The following OTUD7B variants were observed in gnomAD, a reference collection of about 807,000 sequenced individuals.
OTUD7B encodes the protein OTU deubiquitinase 7B, also known as OTU domain-containing protein 7B.
A neutral mutation model predicts 82.2 loss-of-function variants in OTUD7B; 34 were observed. That is an observed-to-expected ratio of 0.41 (90% CI 0.31 to 0.55). The LOEUF is 0.55. Ranked by LOEUF, OTUD7B falls within the 20% of genes least tolerant of loss-of-function variation. The probability of loss-of-function intolerance (pLI) is 0.20; values close to 1 mark genes in which losing one functional copy is unlikely to be tolerated. For synonymous variants in OTUD7B, 398 were observed against 402.7 expected, an observed-to-expected ratio of 0.99 and a Z score of 0.14; for missense variants, 944 against 1,062.1, an observed-to-expected ratio of 0.89 and a Z score of 1.55.
chr1:149,952,088 T>C (rs1553773610), intron 7 of OTUD7B, among the ~76,000 whole-genome samples: 2 of 152,064 alleles, frequency 1.3e-5, no homozygotes, highest in African/African-American at 4.8e-5. Context: ...CTAGGGTACA[T>C]GTGCACAATG....
intron 7 of OTUD7B, among the ~76,000 whole-genome samples, chr1:149,950,967 T>G (rs2101748492): frequency 1.3e-5 from 1 of 77,408 alleles, no homozygotes; most frequent in Non-Finnish European, 2.5e-5. Context: ...TAATTTTTTG[T>G]ACTTTTTGTA....
Position 149,939,979 on chromosome 1 carries a change from A to G in OTUD7B, c.*3878T>C, listed in dbSNP as rs2092750638. ...AAAAGGAAAAAGAAAGAAGACTCAG[A>G]GTCCAGAGGTGTCTGAGTAATTCAG... On this transcript the variant is annotated 3_prime_UTR_variant, in exon 12 of 12. Coordinates refer to ENST00000581312, the MANE Select transcript of OTUD7B (RefSeq NM_020205.4). 1 of 152,152 alleles carries G rather than the reference A, an allele frequency of 6.6e-6. No individual in the cohort carries two copies. The allele number at this position is 152,152 out of a possible 1,614,324, so 9.4% of individuals were successfully genotyped here. A position where few individuals can be genotyped will look rare whatever the true frequency, so the allele number is the denominator to read the frequency against.
chr1:150,018,104 A>C, the OTUD7B span, among the ~76,000 whole-genome samples: 1 of 152,220 alleles, frequency 6.6e-6, no homozygotes, highest in Non-Finnish European at 1.5e-5. Flanking sequence ...AGAATTGAAA[A>C]GTGTCACCAT....
At chr1:150,038,131 T>C in the OTUD7B span, among the ~76,000 whole-genome samples, 1 of 152,082 alleles carries the variant, frequency 6.6e-6, no homozygotes, top group Non-Finnish European at 1.5e-5. Flanking sequence ...AGTGCTAGGA[T>C]TACAGGCGTG....
At chr1:150,013,999 C>T (rs1310522571), upstream of OTUD7B, among the ~76,000 whole-genome samples, 1 of 128,122 alleles carries the variant, frequency 7.8e-6, no homozygotes, top group Non-Finnish European at 1.7e-5. Flanking sequence ...CATATATACA[C>T]ACATATATAT....
rs1310552496 is a variant in OTUD7B, at chr1:149,943,701, G to A, written c.*156C>T. 9.1e-6 allele frequency: 7 copies of A among 768,900 alleles called. No homozygotes were observed. Among genetic ancestry groups the A allele is most frequent in the East Asian group, 2.5e-5 (1 of 39,762 alleles). 47.6% of individuals were successfully genotyped at this position (768,900 alleles called of 1,614,324 possible). On this transcript the variant is annotated 3_prime_UTR_variant, in exon 12 of 12. Coordinates refer to ENST00000581312, the MANE Select transcript of OTUD7B (RefSeq NM_020205.4). Reference sequence around the variant, plus strand: ...AGCCCCGACCTGCTCTTGCCAGCCTGGCAGCACTCCTGTGTGCACACACTT... The same window carrying A: ...AGCCCCGACCTGCTCTTGCCAGCCTAGCAGCACTCCTGTGTGCACACACTT...
rs1335193602 is a variant in OTUD7B, at chr1:149,941,545, T to C, written c.*2312A>G. ...CACCTTGGGCACAAAATTTAAGGAG[T>C]GCCAAAAAACCCAGTAACCAAGATA... On this transcript the variant is annotated 3_prime_UTR_variant, in exon 12 of 12. Transcript: ENST00000581312. 3 of 151,912 alleles carry C rather than the reference T, an allele frequency of 2.0e-5. No homozygotes were observed. Among genetic ancestry groups the C allele is most frequent in the African/African-American group, 7.3e-5 (3 of 41,324 alleles). The allele number at this position is 151,912 out of a possible 1,614,324, so 9.4% of individuals were successfully genotyped here.
rs11205306 is a variant in OTUD7B, at chr1:149,977,358, C to G, written c.85+68G>C. 1.5e-3 allele frequency: 1,716 copies of G among 1,156,506 alleles called. 30 individuals carry two copies. The African/African-American group carries it at 0.023, about 15-fold the overall frequency. The allele number at this position is 1,156,506 out of a possible 1,614,324, so 71.6% of individuals were successfully genotyped here. A position where few individuals can be genotyped will look rare whatever the true frequency, so the allele number is the denominator to read the frequency against. On this transcript the variant is annotated intron_variant, in intron 2 of 11. Transcript: ENST00000581312. ...ATCTTCCTGATCACCTTAAATGGTCCAAATCATCCTAATGATAAATACCAC... is the reference window on the plus strand; with the variant it reads ...ATCTTCCTGATCACCTTAAATGGTCGAAATCATCCTAATGATAAATACCAC...
the OTUD7B span, among the ~76,000 whole-genome samples, chr1:150,015,766 T>C: frequency 0.021 from 3,128 of 152,136 alleles, 69 homozygotes; most frequent in Non-Finnish European, 0.034. Flanking sequence ...TCAGGGGAGA[T>C]TGGCCTCAGT....
chr1:149,948,376 CTTT>C (rs1170239992), intron 10 of OTUD7B, among the ~76,000 whole-genome samples: 6 of 142,340 alleles, frequency 4.2e-5, no homozygotes, highest in Admixed American at 3.5e-4. Context: ...TTCTTTCTTT[CTTT>C]TTTTTTTTTT....
intron 6 of OTUD7B, among the ~76,000 whole-genome samples, chr1:149,960,195 G>C (rs944104201): frequency 4.0e-5 from 6 of 151,694 alleles, no homozygotes; most frequent in Non-Finnish European, 8.8e-5. Context: ...TGCCATTAGC[G>C]TCCATAAAAT....
At position 149,939,352 on chromosome 1, in the gene OTUD7B, A is replaced by G. The variant is rs76196805; in HGVS notation, c.*4505T>C. On this transcript the variant is annotated 3_prime_UTR_variant, in exon 12 of 12. Transcript: ENST00000581312. ...GTACTGCCCCTTACCCACTTGGCCA[A>G]TGCAAGAGATGGCACAGAGAAAGTC... The G allele has an allele frequency of 6.6e-6, 1 of 152,370 alleles. No homozygotes were observed. Among genetic ancestry groups the G allele is most frequent in the African/African-American group, 2.4e-5 (1 of 41,548 alleles). 9.4% of individuals were successfully genotyped at this position (152,370 alleles called of 1,614,324 possible).
chr1:150,054,951 C>T, the OTUD7B span: 2 of 316,502 alleles, frequency 6.3e-6, no homozygotes, highest in Non-Finnish European at 6.3e-6. Context: ...TAACCAAAAT[C>T]AAAGCTATTC....
intron 7 of OTUD7B, among the ~76,000 whole-genome samples, chr1:149,957,571 A>G (rs1416836337): frequency 1.3e-5 from 2 of 152,228 alleles, no homozygotes; most frequent in African/African-American, 4.8e-5. Flanking sequence ...GCTGTCAGAC[A>G]GGGACGTTTA....
intron 1 of OTUD7B, among the ~76,000 whole-genome samples, chr1:150,003,384 A>C (rs1412213595): frequency 6.6e-6 from 1 of 152,050 alleles, no homozygotes; most frequent in African/African-American, 2.4e-5. Context: ...CATTCCTTTA[A>C]GCTTTTGTTC....
intron 1 of OTUD7B, among the ~76,000 whole-genome samples, chr1:150,005,656 C>A (rs1652611393): frequency 3.8e-5 from 1 of 26,012 alleles, no homozygotes; most frequent in Non-Finnish European, 7.1e-5. Flanking sequence ...ACACTTCTGC[C>A]CATTCCTTTT....
intron 3 of OTUD7B, 82 bp from the exon 4 acceptor site, chr1:149,967,603 C>A: frequency 1.9e-6 from 2 of 1,071,790 alleles, no homozygotes; most frequent in East Asian, 2.5e-5. Context: ...AGTTACCTCT[C>A]AACAGGGTTT....
the OTUD7B span, among the ~76,000 whole-genome samples, chr1:150,049,425 A>C: frequency 6.6e-6 from 1 of 152,122 alleles, no homozygotes; most frequent in East Asian, 1.9e-4. Flanking sequence ...AATAACTGAA[A>C]ATTGAAGCAG....
At chr1:149,990,436 A>G (rs1176958114) in intron 1 of OTUD7B, among the ~76,000 whole-genome samples, 1 of 152,204 alleles carries the variant, frequency 6.6e-6, no homozygotes, top group Non-Finnish European at 1.5e-5. Context: ...TATGTGGATA[A>G]TTGAGAGTTA....
Sources: gnomAD v4.1 joint callset for allele counts (sites outside exome capture counted in the v4.1 genomes callset) on GRCh38, gnomAD v4.1.1 for gene constraint, MANE v1.5 for transcripts, NCBI Gene and HGNC (gene_info 2026-07-23, HGNC 2026-07-21) for gene names.